The following CHMP4C variants were observed in gnomAD, a reference collection of about 807,000 sequenced individuals.
CHMP4C encodes the protein SNF7 homolog associated with Alix 3.
CHMP4C carries 28 observed loss-of-function variants against 29.0 expected under a neutral mutation model. That is an observed-to-expected ratio of 0.97 (90% CI 0.72 to 1.32). The LOEUF (loss-of-function observed/expected upper bound fraction) is 1.32. Among genes scored for constraint, CHMP4C ranks in the 40% most tolerant of loss-of-function variants. The pLI is 0.00. For missense variants in CHMP4C, 291 were observed against 281.0 expected (o/e 1.04, Z -0.25); for synonymous variants, 106 against 102.4 (o/e 1.04, Z -0.21).
chr8:81,742,839 C>G (rs1585942764), intron 1 of CHMP4C, among the ~76,000 whole-genome samples: 1 of 152,052 alleles, frequency 6.6e-6, no homozygotes, highest in Non-Finnish European at 1.5e-5. Context: ...ATTTCAAAGA[C>G]CCCGTATGTA....
intron 3 of CHMP4C, among the ~76,000 whole-genome samples, chr8:81,756,962 C>A (rs934977584): frequency 6.6e-6 from 1 of 152,050 alleles, no homozygotes; most frequent in Non-Finnish European, 1.5e-5. Context: ...TGCTATACAC[C>A]TTCATATTTT....
intron 1 of CHMP4C, among the ~76,000 whole-genome samples, chr8:81,738,801 TCA>T (rs1352249144): frequency 1.3e-5 from 2 of 152,228 alleles, no homozygotes; most frequent in Non-Finnish European, 2.9e-5. Flanking sequence ...ATCACCTGCA[TCA>T]CAATTCCTTC....
chr8:81,741,244 AAGGC>A (rs1808759111), intron 1 of CHMP4C, among the ~76,000 whole-genome samples: 1 of 152,176 alleles, frequency 6.6e-6, no homozygotes, highest in African/African-American at 2.4e-5. Flanking sequence ...ACAAGGATGA[AAGGC>A]ACCACATTTG....
intron 1 of CHMP4C, among the ~76,000 whole-genome samples, chr8:81,752,795 G>A (rs1808921118): frequency 6.6e-6 from 1 of 151,796 alleles, no homozygotes; most frequent in African/African-American, 2.4e-5. Flanking sequence ...CATTTCTTTG[G>A]CATATGTTTT....
At chr8:81,737,685 T>C (rs73694771) in intron 1 of CHMP4C, among the ~76,000 whole-genome samples, 2,579 of 152,286 alleles carry the variant, frequency 0.017, 76 homozygotes, top group African/African-American at 0.057. Context: ...GACCCTAGAC[T>C]AATAATTTGA....
At chr8:81,751,627 A>G (rs1808905136) in intron 1 of CHMP4C, among the ~76,000 whole-genome samples, 1 of 152,116 alleles carries the variant, frequency 6.6e-6, no homozygotes, top group African/African-American at 2.4e-5. Flanking sequence ...AATTTAATCG[A>G]TCTACATAAA....
At chr8:81,752,286 A>T (rs1376368799) in intron 1 of CHMP4C, among the ~76,000 whole-genome samples, 1 of 152,172 alleles carries the variant, frequency 6.6e-6, no homozygotes, top group Non-Finnish European at 1.5e-5. Context: ...ATGCATTATC[A>T]AAACAGATAT....
intron 1 of CHMP4C, among the ~76,000 whole-genome samples, chr8:81,737,519 T>G (rs1184174153): frequency 6.6e-6 from 1 of 152,256 alleles, no homozygotes; most frequent in African/African-American, 2.4e-5. Flanking sequence ...TTTATTGATT[T>G]ATTTTTTGCT....
At chr8:81,744,882 A>G (rs976450168) in intron 1 of CHMP4C, among the ~76,000 whole-genome samples, 1 of 152,196 alleles carries the variant, frequency 6.6e-6, no homozygotes, top group Non-Finnish European at 1.5e-5. Context: ...ACTGAAATGA[A>G]TGAATAAAGG....
At chr8:81,733,162 A>T (rs1808641548) in intron 1 of CHMP4C, among the ~76,000 whole-genome samples, 1 of 152,206 alleles carries the variant, frequency 6.6e-6, no homozygotes, top group Non-Finnish European at 1.5e-5. Context: ...ATTTGCCTCT[A>T]GCTCTTATGT....
chr8:81,747,426 G>T (rs78724141), intron 1 of CHMP4C, among the ~76,000 whole-genome samples: 8,341 of 152,044 alleles, frequency 0.055, 245 homozygotes, highest in Middle Eastern at 0.12. Context: ...CCAGCCTGAC[G>T]AGATAGGGAA....
chr8:81,749,223 G>T (rs1335087658), intron 1 of CHMP4C, among the ~76,000 whole-genome samples: 2 of 152,224 alleles, frequency 1.3e-5, no homozygotes, highest in South Asian at 2.1e-4. Flanking sequence ...TGCTGTCCTT[G>T]TTCTATGTGC....
chr8:81,733,834 A>C (rs1808650425), intron 1 of CHMP4C, among the ~76,000 whole-genome samples: 1 of 152,104 alleles, frequency 6.6e-6, no homozygotes, highest in Non-Finnish European at 1.5e-5. Context: ...AAACCCAAAC[A>C]TTTGCACCCT....
chr8:81,748,207 C>G lies in CHMP4C; in HGVS notation c.191-4857C>G, dbSNP rs891010658. ...AGAGTTTAAGGTTATCTCTCTTATT[C>G]CCTGAACAATTGCTGTTATCCTGTT... On this transcript the variant is annotated intron_variant, in intron 1 of 4. Transcript: ENST00000297265. Among the ~76,000 whole-genome samples, 3 of 152,214 alleles carry G rather than the reference C, an allele frequency of 2.0e-5. No individual in the cohort carries two copies. In the East Asian group the frequency reaches 5.8e-4, roughly 29 times the overall value.
intron 1 of CHMP4C, among the ~76,000 whole-genome samples, chr8:81,740,197 C>T (rs555472002): frequency 5.8e-4 from 89 of 152,292 alleles, no homozygotes; most frequent in Non-Finnish European, 1.1e-3. Flanking sequence ...TGATAGCAAC[C>T]GTGTTTCATC....
At chr8:81,733,432 G>A (rs777010383) in intron 1 of CHMP4C, among the ~76,000 whole-genome samples, 13 of 151,760 alleles carry the variant, frequency 8.6e-5, no homozygotes, top group East Asian at 1.9e-4. Flanking sequence ...TAACTTGCAC[G>A]TAAATCTTCA....
intron 1 of CHMP4C, among the ~76,000 whole-genome samples, chr8:81,748,115 A>T (rs1419879895): frequency 6.6e-6 from 1 of 152,108 alleles, no homozygotes; most frequent in Non-Finnish European, 1.5e-5. Flanking sequence ...GAATTCAGCG[A>T]TATTTCTCCC....
rs1219234889 is a variant in CHMP4C, at chr8:81,741,848, G to GAGA, written c.190+9035_190+9037dup. 2.0e-5 allele frequency among the ~76,000 whole-genome samples: 3 copies of GAGA among 152,078 alleles called. 1 individual carries two copies. The East Asian group carries it at 5.8e-4, about 29-fold the overall frequency. On this transcript the variant is annotated intron_variant, in intron 1 of 4. Transcript: ENST00000297265. Reference sequence around the variant, plus strand: ...CCTACCTTTTCTGCTTATCATTTGAGAGAAGTTTTAACAAATACACAGTTA... The same window carrying GAGA: ...CCTACCTTTTCTGCTTATCATTTGAGAGAAGAAGTTTTAACAAATACACAGTTA...
At chr8:81,733,609 T>C (rs1253728617) in intron 1 of CHMP4C, among the ~76,000 whole-genome samples, 1 of 152,170 alleles carries the variant, frequency 6.6e-6, no homozygotes, top group Non-Finnish European at 1.5e-5. Flanking sequence ...GAGTCAGTAA[T>C]GATTCTTGGT....
Sources: gnomAD v4.1 joint callset for allele counts (sites outside exome capture counted in the v4.1 genomes callset) on GRCh38, gnomAD v4.1.1 for gene constraint, MANE v1.5 for transcripts, NCBI Gene and HGNC (gene_info 2026-07-23, HGNC 2026-07-21) for gene names.